WFS1: variants seen among roughly 807,000 people sequenced by gnomAD.
The protein encoded by WFS1 is wolframin.
WFS1 carries 90 observed loss-of-function variants against 68.5 expected under a neutral mutation model. That is an observed-to-expected ratio of 1.31 (90% CI 1.11 to 1.56). The LOEUF (loss-of-function observed/expected upper bound fraction) is 1.56, where lower values mean the gene tolerates loss of function less well. WFS1 is among the 40% of genes most tolerant of loss of function. The pLI is 0.00. For synonymous variants in WFS1, 860 were observed against 540.7 expected (o/e 1.59, Z -8.19); for missense variants, 1,767 against 1,232.6 (o/e 1.43, Z -6.49).
intron 7 of WFS1, among the ~76,000 whole-genome samples, chr4:6,295,833 A>C (rs372407601): frequency 4.6e-5 from 7 of 152,290 alleles, no homozygotes; most frequent in East Asian, 1.9e-4. Context: ...TTTCTTGGCC[A>C]TGTGGCCCTA....
rs757447631 is a variant in WFS1, at chr4:6,277,516, C to A, written c.61C>A (p.Pro21Thr). Residue 21 changes from proline (P) to threonine (T), a missense_variant, in exon 2 of 8, where the codon CCC (proline) becomes ACC (threonine). Coordinates refer to ENST00000226760, the MANE Select transcript of WFS1 (RefSeq NM_006005.3). ...SCPQPPPAPQ[P>T]QARSRLNATA... ...CCCACAGCCCCCGCCAGCACCGCAG[C>A]CCCAGGCGCGTTCCCGACTCAATGC... is the stretch of plus-strand genomic sequence containing the variant. 1.3e-6 allele frequency: 2 copies of A among 1,583,238 alleles called. No homozygotes were observed. The highest frequency in any genetic ancestry group is 1.7e-4 in the Middle Eastern group (1 of 6,018).
intron 7 of WFS1, among the ~76,000 whole-genome samples, chr4:6,298,814 C>T (rs964794395): frequency 6.6e-6 from 1 of 152,238 alleles, no homozygotes; most frequent in Non-Finnish European, 1.5e-5. Context: ...CACCTAGTTG[C>T]CATTCACCTG....
Position 6,301,707 on chromosome 4 carries a change from G to A in WFS1, c.1912G>A (p.Val638Met). The change falls in exon 8 of 8, where the codon GTG becomes ATG. Residue 638 changes from valine (V) to methionine (M), a missense_variant. Transcript: ENST00000226760. ...TRSSMVKLIL[V>M]WLTAIVLFCW... ...GAGCTCCATGGTCAAGCTCATCCTG[G>A]TGTGGCTCACGGCCATCGTGCTGTT... The A allele has an allele frequency of 6.2e-7, 1 of 1,614,080 alleles. No individual in the cohort carries two copies. The highest frequency in any genetic ancestry group is 8.5e-7 in the Non-Finnish European group (1 of 1,180,048).
chr4:6,291,290 G>A lies in WFS1; in HGVS notation c.554G>A (p.Trp185Ter), dbSNP rs758578666. The A allele has an allele frequency of 1.9e-6, 3 of 1,613,442 alleles. No individual in the cohort carries two copies. The highest frequency in any genetic ancestry group is 2.2e-5 in the East Asian group (1 of 44,858). ...CGCAAGGCAGCCCTGGTCATGTACT[G>A]GAAGCTCAACCCCAAGAAGAAGAAG... ...AVRKAALVMY[W>*]KLNPKKKKQV... Residue 185 changes from tryptophan (W) to a stop codon, truncating the protein, a stop_gained, in exon 5 of 8, where the codon TGG (tryptophan) becomes TAG (stop). Coordinates refer to ENST00000226760, the MANE Select transcript of WFS1 (RefSeq NM_006005.3). LOFTEE classifies it high-confidence loss of function.
chr4:6,286,566 A>G (rs545209192), intron 2 of WFS1, among the ~76,000 whole-genome samples: 2 of 152,364 alleles, frequency 1.3e-5, no homozygotes, highest in East Asian at 3.9e-4. Context: ...TTCACTCTTA[A>G]GAAGGAAAAG....
Position 6,302,345 on chromosome 4 carries a change from C to T in WFS1, c.2550C>T (p.Cys850=). The change falls in exon 8 of 8, where the codon TGC becomes TGT. Residue 850 remains cysteine (C), a synonymous_variant. Coordinates refer to ENST00000226760, the MANE Select transcript of WFS1 (RefSeq NM_006005.3). ...TCAAGGCCATCAGCTGCCTCAACTGCATGGCCCAGCTCTCACCCACCAGGC... is the reference window on the plus strand; with the variant it reads ...TCAAGGCCATCAGCTGCCTCAACTGTATGGCCCAGCTCTCACCCACCAGGC... ...FELKAISCLN[C]MAQLSPTRRH... 6.2e-7 allele frequency: 1 copy of T among 1,612,876 alleles called. No homozygotes were observed. The highest frequency in any genetic ancestry group is 8.5e-7 in the Non-Finnish European group (1 of 1,179,966).
intron 4 of WFS1, among the ~76,000 whole-genome samples, chr4:6,289,617 C>T (rs1281330250): frequency 1.3e-5 from 2 of 152,142 alleles, no homozygotes; most frequent in Non-Finnish European, 2.9e-5. Flanking sequence ...CATAGATAAT[C>T]TCTTTCAAAC....
At chr4:6,282,160 C>A (rs1199617891) in intron 2 of WFS1, among the ~76,000 whole-genome samples, 1 of 152,234 alleles carries the variant, frequency 6.6e-6, no homozygotes, top group Non-Finnish European at 1.5e-5. Flanking sequence ...GTCCTGTTCC[C>A]GCCTCAGAGT....
chr4:6,293,061 C>A (rs879499715), intron 6 of WFS1, among the ~76,000 whole-genome samples: 1 of 152,170 alleles, frequency 6.6e-6, no homozygotes, highest in African/African-American at 2.4e-5. Flanking sequence ...TCTAGGAAGC[C>A]CGAGGACCAG....
At chr4:6,298,392 A>C (rs1266977430) in intron 7 of WFS1, among the ~76,000 whole-genome samples, 3 of 152,244 alleles carry the variant, frequency 2.0e-5, no homozygotes, top group African/African-American at 7.2e-5. Context: ...TTCCCTGGCC[A>C]TCTCCTGGCA....
At chr4:6,273,933 A>C (rs1397808957) in intron 1 of WFS1, among the ~76,000 whole-genome samples, 2 of 152,248 alleles carry the variant, frequency 1.3e-5, no homozygotes, top group Non-Finnish European at 2.9e-5. Context: ...CATACATGGT[A>C]CATAGGCCAG....
chr4:6,297,856 G>A (rs1358131889), intron 7 of WFS1, among the ~76,000 whole-genome samples: 1 of 152,186 alleles, frequency 6.6e-6, no homozygotes, highest in Non-Finnish European at 1.5e-5. Flanking sequence ...GGTGTACATT[G>A]CAGGGAGCAG....
chr4:6,278,462 A>T (rs1318446527), intron 2 of WFS1, among the ~76,000 whole-genome samples: 1 of 152,244 alleles, frequency 6.6e-6, no homozygotes. Flanking sequence ...GCCCATGCAG[A>T]AGCCCCAGAC....
At chr4:6,290,967 G>A (rs1346899022) in intron 4 of WFS1, among the ~76,000 whole-genome samples, 1 of 152,212 alleles carries the variant, frequency 6.6e-6, no homozygotes, top group Non-Finnish European at 1.5e-5. Context: ...AGCATGTAGG[G>A]GGCACTTGGG....
chr4:6,274,799 G>A (rs1729945897), intron 1 of WFS1, among the ~76,000 whole-genome samples: 2 of 145,166 alleles, frequency 1.4e-5, no homozygotes, highest in South Asian at 4.6e-4. Context: ...GTGTTTTGCA[G>A]TGAATGGGCC....
chr4:6,273,893 T>G (rs1363021664), intron 1 of WFS1, among the ~76,000 whole-genome samples: 2 of 152,188 alleles, frequency 1.3e-5, no homozygotes, highest in East Asian at 3.8e-4. Context: ...AGATTTTACT[T>G]TAAACAGTTT....
intron 2 of WFS1, among the ~76,000 whole-genome samples, chr4:6,280,700 GTGTGTGCT>G (rs1314579186): frequency 1.5e-5 from 2 of 130,924 alleles, no homozygotes; most frequent in African/African-American, 6.0e-5. Context: ...CCTGTGCTAA[GTGTGTGCT>G]AAGCATGTGG....
chr4:6,291,234 C>G lies in WFS1; in HGVS notation c.498C>G (p.Leu166=), dbSNP rs758731318. The change falls in exon 5 of 8, where the codon CTC becomes CTG. Residue 166 remains leucine (L), a synonymous_variant. Coordinates refer to ENST00000226760, the MANE Select transcript of WFS1 (RefSeq NM_006005.3). ...TSENEREVRQ[L]SSETDLERAV... ...AGAACGAACGGGAGGTGAGGCAGCT[C>G]TCCTCCGAGACCGACCTGGAGAGGG... 9.9e-6 allele frequency: 16 copies of G among 1,612,960 alleles called. No homozygotes were observed. In the African/African-American group the frequency reaches 2.0e-4, roughly 20 times the overall value.
rs1376868502 is a variant in WFS1, at chr4:6,291,256, A to G, written c.520A>G (p.Arg174Gly). Residue 174 changes from arginine to glycine, a missense_variant, in exon 5 of 8, where the codon AGG becomes GGG. Arg to Gly is a moderately radical substitution (Grantham distance 125). Transcript: ENST00000226760. ...RQLSSETDLERAVRKAALVMY... is the reference protein window; with the variant it reads ...RQLSSETDLEGAVRKAALVMY... ...GCTCTCCTCCGAGACCGACCTGGAG[A>G]GGGCCGTGCGCAAGGCAGCCCTGGT... 1 of 1,612,800 alleles carries G rather than the reference A, an allele frequency of 6.2e-7. No individual in the cohort carries two copies. The highest frequency in any genetic ancestry group is 8.5e-7 in the Non-Finnish European group (1 of 1,179,922).
Sources: gnomAD v4.1 joint callset for allele counts (sites outside exome capture counted in the v4.1 genomes callset) on GRCh38, gnomAD v4.1.1 for gene constraint, MANE v1.5 for transcripts, NCBI Gene and HGNC (gene_info 2026-07-23, HGNC 2026-07-21) for gene names.